Variants in TCF7 observed in about 807,000 individuals in gnomAD.
TCF7 encodes transcription factor 7, also known as T-cell-factor-7.
Under a neutral mutation model 46.8 loss-of-function variants are expected in TCF7, and 19 were observed. The ratio of observed to expected loss-of-function variants is 0.41; its 90% CI spans 0.28 to 0.60. TCF7 has a LOEUF of 0.60. TCF7 is among the 20% of genes least tolerant of loss of function. The probability of loss-of-function intolerance (pLI) is 0.35; values close to 1 mark genes in which losing one functional copy is unlikely to be tolerated. For missense variants in TCF7, 547 were observed against 504.6 expected (o/e 1.08, Z -0.81); for synonymous variants, 245 against 213.4 (o/e 1.15, Z -1.29).
At chr5:134,146,068 CA>C in intron 9 of TCF7, 155 bp from the exon 10 acceptor site, 1 of 1,574,406 alleles carries the variant, frequency 6.4e-7, no homozygotes, top group South Asian at 1.2e-5. Context: ...CCAGACCAAG[CA>C]GAATGGCAGT....
rs1269558661 is a variant in TCF7, at chr5:134,114,842, G to T, written c.-65G>T. 2.0e-6 allele frequency: 2 copies of T among 981,182 alleles called. No homozygotes were observed. Among genetic ancestry groups the T allele is most frequent in the South Asian group, 9.3e-5 (2 of 21,438 alleles). 60.8% of individuals were successfully genotyped at this position (981,182 alleles called of 1,614,324 possible). ...TCGGACTCCGGGCTCGCCGCCCCCC[G>T]GGCCGGCTCCGCGCCCCGCACTCCC... On this transcript the variant is annotated 5_prime_UTR_variant, in exon 1 of 10. Coordinates refer to ENST00000342854, the MANE Select transcript of TCF7 (RefSeq NM_003202.5).
chr5:134,126,495 G>A (rs993862947), intron 3 of TCF7, among the ~76,000 whole-genome samples: 6 of 152,284 alleles, frequency 3.9e-5, no homozygotes, highest in Non-Finnish European at 5.9e-5. Context: ...CTGGCACACA[G>A]TAGGTGCTCA....
At chr5:134,112,530 G>T (rs188159215), upstream of TCF7, among the ~76,000 whole-genome samples, 1 of 152,240 alleles carries the variant, frequency 6.6e-6, no homozygotes, top group Non-Finnish European at 1.5e-5. Context: ...AGCCAGCAGG[G>T]TGGGGAGTTG....
chr5:134,125,112 T>C (rs1757165695), intron 3 of TCF7, among the ~76,000 whole-genome samples: 1 of 152,080 alleles, frequency 6.6e-6, no homozygotes, highest in African/African-American at 2.4e-5. Flanking sequence ...CAAGCATTGC[T>C]CCAGAGCCAG....
chr5:134,117,667 G>T (rs1756009016), intron 3 of TCF7, among the ~76,000 whole-genome samples: 1 of 152,216 alleles, frequency 6.6e-6, no homozygotes, highest in South Asian at 2.1e-4. Flanking sequence ...TGTCCTTTGG[G>T]CCACATGGGT....
At chr5:134,145,748 C>G in intron 9 of TCF7, 1 of 1,613,970 alleles carries the variant, frequency 6.2e-7, no homozygotes, top group Non-Finnish European at 8.5e-7. Context: ...CAGAGACAAA[C>G]TGGCCCAGAG....
At chr5:134,143,734 C>A in intron 9 of TCF7, 94 bp downstream of exon 9, 1 of 1,475,872 alleles carries the variant, frequency 6.8e-7, no homozygotes, top group Non-Finnish European at 9.3e-7. Context: ...ACGCGGTACC[C>A]AGCTAGGAGC....
chr5:134,146,188 C>T (rs758677902), intron 9 of TCF7, 36 bp from the exon 10 acceptor site: 103 of 1,613,960 alleles, frequency 6.4e-5, no homozygotes, highest in Middle Eastern at 1.6e-4. Flanking sequence ...ATGAATTCAC[C>T]CTCTGTTTAC....
At position 134,138,040 on chromosome 5, in the gene TCF7, C is replaced by T. The variant is rs1301404512; in HGVS notation, c.442-19C>T. 2 of 1,568,076 alleles carry T rather than the reference C, an allele frequency of 1.3e-6. No homozygotes were observed. The highest frequency in any genetic ancestry group is 1.7e-6 in the Non-Finnish European group (2 of 1,146,804). Reference sequence around the variant, plus strand: ...CTCAGGACTCGCCACACTCACCCACCCTCCTTCTCATTTTTCAGCACAAGG... The same window carrying T: ...CTCAGGACTCGCCACACTCACCCACTCTCCTTCTCATTTTTCAGCACAAGG... On this transcript the variant is annotated intron_variant, in intron 3 of 9. Coordinates refer to ENST00000342854, the MANE Select transcript of TCF7 (RefSeq NM_003202.5).
At chr5:134,145,886 T>A in intron 9 of TCF7, 2 of 1,573,022 alleles carry the variant, frequency 1.3e-6, no homozygotes, top group Non-Finnish European at 1.7e-6. Context: ...CAGATGTGAG[T>A]CCCACAAACA....
chr5:134,138,269 TG>T (rs1343639615), intron 4 of TCF7, 105 bp downstream of exon 4: 12 of 998,140 alleles, frequency 1.2e-5, no homozygotes, highest in Non-Finnish European at 1.8e-5. Context: ...CTGGAGAACC[TG>T]GGGCTGTGCA....
rs370442073 is a variant in TCF7, at chr5:134,136,810, G to A, written c.442-1249G>A. Among the ~76,000 whole-genome samples the A allele has an allele frequency of 8.7e-4, 133 of 152,344 alleles. 1 individual carries two copies. Among genetic ancestry groups the A allele is most frequent in the Middle Eastern group, 3.4e-3 (1 of 294 alleles). ...CCCAGTCAGGAATTGCACTCACAGAGTGGGGACGAACCCAGGCCACAGCCC... is the reference window on the plus strand; with the variant it reads ...CCCAGTCAGGAATTGCACTCACAGAATGGGGACGAACCCAGGCCACAGCCC... On this transcript the variant is annotated intron_variant, in intron 3 of 9. Transcript: ENST00000342854.
upstream of TCF7, among the ~76,000 whole-genome samples, chr5:134,114,066 C>G (rs981274347): frequency 2.0e-5 from 3 of 152,176 alleles, no homozygotes; most frequent in African/African-American, 4.8e-5. Flanking sequence ...GGGCCCGTCA[C>G]AGATGTGTGA....
intron 3 of TCF7, among the ~76,000 whole-genome samples, chr5:134,128,877 T>C (rs895349574): frequency 4.6e-5 from 7 of 152,212 alleles, no homozygotes; most frequent in African/African-American, 9.6e-5. Context: ...TTTGGTCATT[T>C]ATGACTGAGA....
chr5:134,114,778 C>A lies in TCF7; in HGVS notation c.-129C>A, dbSNP rs1010269821. ...CGCCTGCAGCCCGCCCAGGCGGAGT[C>A]AGCCCGCGCTCCGCCCGCCGCGATC... On this transcript the variant is annotated 5_prime_UTR_variant, in exon 1 of 10. It introduces an in-frame stop codon into an upstream open reading frame of the 5' UTR. Transcript: ENST00000342854. 6.0e-5 allele frequency: 54 copies of A among 901,706 alleles called. No homozygotes were observed. The South Asian group carries it at 2.2e-3, about 36-fold the overall frequency. 55.9% of individuals were successfully genotyped at this position (901,706 alleles called of 1,614,324 possible).
At chr5:134,141,579 A>C (rs1440986384) in intron 5 of TCF7, 1 of 152,292 alleles carries the variant, frequency 6.6e-6, no homozygotes, top group African/African-American at 2.4e-5. Flanking sequence ...AGCTTCGCGG[A>C]AAGAGTAATA....
At chr5:134,145,681 T>C in intron 9 of TCF7, 3 of 1,575,216 alleles carry the variant, frequency 1.9e-6, no homozygotes, top group Non-Finnish European at 2.6e-6. Context: ...TCCACATACA[T>C]ATGCACGGTG....
At chr5:134,121,787 G>A (rs183915048) in intron 3 of TCF7, among the ~76,000 whole-genome samples, 7 of 152,182 alleles carry the variant, frequency 4.6e-5, no homozygotes, top group Admixed American at 3.3e-4. Flanking sequence ...TCACTCTTTC[G>A]TTTCCACCTT....
intron 3 of TCF7, among the ~76,000 whole-genome samples, chr5:134,129,793 C>T (rs570356497): frequency 6.2e-4 from 94 of 152,384 alleles, no homozygotes; most frequent in Admixed American, 1.2e-3. Flanking sequence ...TCCCCACCTC[C>T]GCTGTGGCAG....
Sources: allele counts gnomAD v4.1 joint callset (sites outside exome capture counted in the v4.1 genomes callset), GRCh38; gene constraint gnomAD v4.1.1; transcripts MANE v1.5; gene names NCBI Gene and HGNC (gene_info 2026-07-23, HGNC 2026-07-21).